The following ABCA4 variants were observed in gnomAD, a reference collection of about 807,000 sequenced individuals.
ABCA4 encodes retinal-specific phospholipid-transporting ATPase ABCA4.
ABCA4 carries 196 observed loss-of-function variants against 263.7 expected under a neutral mutation model. The observed-to-expected ratio is 0.74, with a 90% CI of 0.66 to 0.84. The LOEUF (loss-of-function observed/expected upper bound fraction) is 0.84. Ranked by LOEUF, ABCA4 falls within the 40% of genes least tolerant of loss-of-function variation. The pLI is 0.00. For missense variants in ABCA4, 2,792 were observed against 2,855.1 expected (o/e 0.98, Z 0.50); for synonymous variants, 1,133 against 1,094.2 (o/e 1.04, Z -0.70).
chr1:94,024,909 T>C (rs763750911), intron 31 of ABCA4, 45 bp downstream of exon 31: 5 of 1,487,654 alleles, frequency 3.4e-6, no homozygotes, highest in Non-Finnish European at 4.7e-6. Context: ...GTTAATATCT[T>C]CTACAGGGAG....
At chr1:94,108,526 C>A in intron 4 of ABCA4, 51 bp downstream of exon 4, 2 of 1,610,650 alleles carry the variant, frequency 1.2e-6, no homozygotes, top group South Asian at 1.1e-5. Flanking sequence ...TATCTTCAGT[C>A]TCTCCATAGG....
intron 6 of ABCA4, among the ~76,000 whole-genome samples, chr1:94,085,138 A>C (rs1661796840): frequency 6.8e-6 from 1 of 146,928 alleles, no homozygotes; most frequent in African/African-American, 2.4e-5. Context: ...TGATCATAGC[A>C]TGGTGATTTT....
intron 11 of ABCA4, among the ~76,000 whole-genome samples, chr1:94,077,335 C>T (rs570617801): frequency 6.6e-6 from 1 of 152,206 alleles, no homozygotes; most frequent in East Asian, 1.9e-4. Flanking sequence ...GCAGGAGTGT[C>T]CAGCAAGCAA....
rs72958472 is a variant in ABCA4 at position 94,040,357 on chromosome 1, C to A, written c.3523-230G>T. On this transcript the variant is annotated intron_variant, in intron 23 of 49. Transcript: ENST00000370225. ...GAGTCACACACAGAGAGGAGCAGAA[C>A]CTCCAAGGGTCCCTTTGGCTTGTCA... 8.3e-3 allele frequency among the ~76,000 whole-genome samples: 1,269 copies of A among 152,240 alleles called. 20 individuals are homozygous for A. Among genetic ancestry groups the A allele is most frequent in the African/African-American group, 0.029 (1,192 of 41,540 alleles).
chr1:94,080,400 G>A, intron 8 of ABCA4, 78 bp downstream of exon 8: 1 of 1,586,858 alleles, frequency 6.3e-7, no homozygotes, highest in Admixed American at 1.7e-5. Flanking sequence ...CCCCAGGTTT[G>A]GTTTCACCTA....
At chr1:94,062,846 A>T in intron 12 of ABCA4, 93 bp from the exon 13 acceptor site, 1 of 1,379,692 alleles carries the variant, frequency 7.2e-7, no homozygotes, top group East Asian at 2.4e-5. Context: ...TCATTCTCTT[A>T]AAATCTTTCT....
intron 37 of ABCA4, 58 bp from the exon 38 acceptor site, chr1:94,014,748 T>C: frequency 6.2e-7 from 1 of 1,606,436 alleles, no homozygotes; most frequent in Non-Finnish European, 8.5e-7. Context: ...CCACCTACAA[T>C]ACGTCTGGAT....
intron 14 of ABCA4, among the ~76,000 whole-genome samples, chr1:94,058,691 C>CAA (rs1449957207): frequency 1.3e-5 from 2 of 152,232 alleles, no homozygotes; most frequent in Non-Finnish European, 2.9e-5. Context: ...TTGCTCAAAA[C>CAA]AAAGTCCCAT....
intron 47 of ABCA4, 73 bp downstream of exon 47, chr1:94,000,763 G>T: frequency 6.7e-7 from 1 of 1,488,714 alleles, no homozygotes; most frequent in Non-Finnish European, 9.4e-7. Context: ...ACTCTTCCAA[G>T]TGTCAATGGA....
At chr1:94,038,496 A>C (rs990379719) in intron 24 of ABCA4, among the ~76,000 whole-genome samples, 3 of 152,194 alleles carry the variant, frequency 2.0e-5, no homozygotes, top group Admixed American at 2.0e-4. Flanking sequence ...AAGGGATTTC[A>C]TGGTTTTCAA....
intron 31 of ABCA4, among the ~76,000 whole-genome samples, chr1:94,023,628 G>A (rs1659961586): frequency 6.6e-6 from 1 of 152,168 alleles, no homozygotes; most frequent in South Asian, 2.1e-4. Context: ...TCCCCCACTG[G>A]CTCTCCAAAT....
chr1:94,011,026 G>A (rs1485830711), intron 39 of ABCA4, 97 bp from the exon 40 acceptor site: 4 of 1,604,174 alleles, frequency 2.5e-6, no homozygotes, highest in African/African-American at 1.3e-5. Context: ...CCTTATGTGG[G>A]AACTGAGCAA....
At chr1:94,038,539 C>T (rs968105803) in intron 24 of ABCA4, among the ~76,000 whole-genome samples, 1 of 152,194 alleles carries the variant, frequency 6.6e-6, no homozygotes, top group Non-Finnish European at 1.5e-5. Context: ...GATTGGAAGT[C>T]TTGCTTTATG....
chr1:94,098,296 G>C (rs952093421), intron 6 of ABCA4, among the ~76,000 whole-genome samples: 3 of 152,208 alleles, frequency 2.0e-5, no homozygotes, highest in African/African-American at 4.8e-5. Context: ...TTGAGGTTGA[G>C]ACCATTTCCA....
At chr1:94,112,869 A>G (rs1662647800) in intron 2 of ABCA4, 104 bp downstream of exon 2, 4 of 820,834 alleles carry the variant, frequency 4.9e-6, no homozygotes, top group Non-Finnish European at 8.7e-6. Flanking sequence ...TGAAATGATG[A>G]TAAGCAGATC....
intron 4 of ABCA4, among the ~76,000 whole-genome samples, chr1:94,107,855 T>A (rs547546833): frequency 6.6e-6 from 1 of 152,308 alleles, no homozygotes; most frequent in East Asian, 1.9e-4. Context: ...ATTTTCTCAA[T>A]CACTTAAACA....
At chr1:94,041,567 C>A (rs1476009142) in intron 22 of ABCA4, among the ~76,000 whole-genome samples, 165 bp from the exon 23 acceptor site, 1 of 151,938 alleles carries the variant, frequency 6.6e-6, no homozygotes, top group African/African-American at 2.4e-5. Flanking sequence ...CATATTAGGA[C>A]AATAATAACT....
rs1659054844 is a variant in ABCA4, at chr1:93,997,952, G to A, written c.6638C>T (p.Ser2213Phe). The A allele has an allele frequency of 6.2e-7, 1 of 1,614,158 alleles. No homozygotes were observed. ...GAGCTGGAAGATCCTCGCCAGGGAG[G>A]AGGAGGAGACCTGGAACTGGAGCAT... ...YNMLQFQVSS[S>F]SLARIFQLLL... The change falls in exon 48 of 50, where the codon TCC (serine) becomes TTC (phenylalanine). Residue 2213 changes from serine (S) to phenylalanine (F), a missense_variant. Ser to Phe is a radical substitution (Grantham distance 155, BLOSUM62 -2). Transcript: ENST00000370225.
rs747950242 is a variant in ABCA4, at chr1:94,103,093, TGTCA to T, written c.488_491del (p.Leu163HisfsTer18). 6.2e-7 allele frequency: 1 copy of T among 1,614,112 alleles called. No homozygotes were observed. Among genetic ancestry groups the T allele is most frequent in the Non-Finnish European group, 8.5e-7 (1 of 1,179,948 alleles). ...GGCCGATGTTTTTAATGAGAAATAGTGTCAGTGTTTCTTCATCTTTCAAGATATC... is the reference window on the plus strand; with the variant it reads ...GGCCGATGTTTTTAATGAGAAATAGTGTGTTTCTTCATCTTTCAAGATATC... On this transcript the variant is annotated frameshift_variant, in exon 5 of 50. Transcript: ENST00000370225. LOFTEE classifies it high-confidence loss of function.
Sources: allele counts gnomAD v4.1 joint callset (sites outside exome capture counted in the v4.1 genomes callset), GRCh38; gene constraint gnomAD v4.1.1; transcripts MANE v1.5; gene names NCBI Gene and HGNC (gene_info 2026-07-23, HGNC 2026-07-21).